The following ADAM10 variants were observed in gnomAD, a reference collection of about 807,000 sequenced individuals.
ADAM10 encodes the protein ADAM metallopeptidase domain 10, also known as disintegrin and metalloproteinase domain-containing protein 10.
Under a neutral mutation model 90.1 loss-of-function variants are expected in ADAM10, and 17 were observed. That is an observed-to-expected ratio of 0.19 (90% CI 0.13 to 0.28). The LOEUF is 0.28. Ranked by LOEUF, ADAM10 falls within the 10% of genes least tolerant of loss-of-function variation. The pLI is 1.00. For missense variants in ADAM10, 610 were observed against 914.3 expected, an observed-to-expected ratio of 0.67 and a Z score of 4.29; for synonymous variants, 310 against 298.6, an observed-to-expected ratio of 1.04 and a Z score of -0.40.
intron 1 of ADAM10, chr15:58,747,743 T>A (rs1156579776): frequency 1.1e-4 from 17 of 152,218 alleles, no homozygotes; most frequent in African/African-American, 2.9e-4. Context: ...TCTGGAAATA[T>A]GAATTTAGAA....
chr15:58,695,360 TG>T (rs1352285824), intron 2 of ADAM10, among the ~76,000 whole-genome samples: 1 of 152,226 alleles, frequency 6.6e-6, no homozygotes, highest in Non-Finnish European at 1.5e-5. Flanking sequence ...CTGCCTATCA[TG>T]TATTTTCATA....
At chr15:58,692,367 T>C (rs749837769) in intron 2 of ADAM10, 2 of 599,748 alleles carry the variant, frequency 3.3e-6, no homozygotes, top group Non-Finnish European at 6.6e-6. Flanking sequence ...GGTTTAGTTC[T>C]TCCCGATCAG....
intron 14 of ADAM10, among the ~76,000 whole-genome samples, chr15:58,605,334 G>A (rs1173375308): frequency 6.6e-6 from 1 of 152,140 alleles, no homozygotes; most frequent in African/African-American, 2.4e-5. Context: ...TAGCTTTTGT[G>A]AATTTAGCGT....
Position 58,749,571 on chromosome 15 carries a change from G to T in ADAM10, c.-37C>A, listed in dbSNP as rs1333582393. The stretch of plus-strand genomic sequence containing the variant: ...GCTGCCGCCGCCGCCGCCTCCTCAC[G>T]GGTTAACAGCAGCACATCGATCCGG... On this transcript the variant is annotated 5_prime_UTR_variant, in exon 1 of 16. Coordinates refer to ENST00000260408, the MANE Select transcript of ADAM10 (RefSeq NM_001110.4). The T allele has an allele frequency of 4.5e-6, 7 of 1,548,758 alleles. No homozygotes were observed. The highest frequency in any genetic ancestry group is 1.7e-4 in the Middle Eastern group (1 of 5,982).
Position 58,593,148 on chromosome 15 carries a change from AATTTTTTTTTTTT to A in ADAM10, c.*4386_*4398del, listed in dbSNP as rs1894861849. On this transcript the variant is annotated 3_prime_UTR_variant, in exon 16 of 16. Transcript: ENST00000260408. ...AAAAGTAACAAAGGCCAGGTACTCA[AATTTTTTTTTTTT>A]TTTTTTTTTTTTTTTTTTTTTTTTT... 9.0e-6 allele frequency: 1 copy of A among 110,510 alleles called. No individual in the cohort carries two copies. The highest frequency in any genetic ancestry group is 1.9e-5 in the Non-Finnish European group (1 of 51,794). The allele number at this position is 110,510 out of a possible 1,614,324, so 6.8% of individuals were successfully genotyped here.
At chr15:58,711,365 G>A (rs1221690901) in intron 2 of ADAM10, among the ~76,000 whole-genome samples, 1 of 152,096 alleles carries the variant, frequency 6.6e-6, no homozygotes, top group African/African-American at 2.4e-5. Flanking sequence ...ATATTTTGTA[G>A]AATTTTAAAG....
intron 5 of ADAM10, among the ~76,000 whole-genome samples, chr15:58,661,786 T>G (rs1291283968): frequency 1.3e-5 from 2 of 152,210 alleles, no homozygotes; most frequent in Non-Finnish European, 2.9e-5. Context: ...TGTGCTTAGA[T>G]ATGGATACTG....
chr15:58,616,022 GAA>G (rs1895601950), intron 11 of ADAM10, among the ~76,000 whole-genome samples: 1 of 151,902 alleles, frequency 6.6e-6, no homozygotes, highest in African/African-American at 2.4e-5. Flanking sequence ...AAAAAACTGT[GAA>G]AAGAGACAAA....
chr15:58,700,618 T>C (rs1316582317), intron 2 of ADAM10, among the ~76,000 whole-genome samples: 2 of 151,920 alleles, frequency 1.3e-5, no homozygotes, highest in Non-Finnish European at 2.9e-5. Context: ...AATGCCTACC[T>C]CAAAAAATAT....
At chr15:58,660,419 C>CT (rs148139870) in intron 5 of ADAM10, among the ~76,000 whole-genome samples, 35 of 148,130 alleles carry the variant, frequency 2.4e-4, no homozygotes, top group Middle Eastern at 3.4e-3. Context: ...CTCATTTGGT[C>CT]TTTTTTTTTT....
At chr15:58,667,736 T>C (rs1369659665) in intron 4 of ADAM10, among the ~76,000 whole-genome samples, 4 of 151,782 alleles carry the variant, frequency 2.6e-5, no homozygotes, top group Admixed American at 6.6e-5. Context: ...GATTCACTGA[T>C]GGAGAGTAGA....
intron 5 of ADAM10, among the ~76,000 whole-genome samples, chr15:58,657,687 G>T (rs1896861468): frequency 6.6e-6 from 1 of 152,080 alleles, no homozygotes; most frequent in African/African-American, 2.4e-5. Context: ...CATTCTCCAG[G>T]ATTTGTCCCC....
At chr15:58,697,281 G>T (rs1898005979) in intron 2 of ADAM10, among the ~76,000 whole-genome samples, 1 of 152,076 alleles carries the variant, frequency 6.6e-6, no homozygotes. Flanking sequence ...GGGGCCCAAA[G>T]ACCCACTCAT....
At chr15:58,729,990 ACAAAC>A (rs1567016123) in intron 1 of ADAM10, among the ~76,000 whole-genome samples, 3 of 127,880 alleles carry the variant, frequency 2.3e-5, no homozygotes, top group Non-Finnish European at 3.3e-5. Context: ...CAAAAACAAA[ACAAAC>A]AAACAAACAA....
At chr15:58,623,349 C>T (rs979299208) in intron 10 of ADAM10, among the ~76,000 whole-genome samples, 1 of 152,188 alleles carries the variant, frequency 6.6e-6, no homozygotes, top group Admixed American at 6.5e-5. Context: ...ACCCTGATTT[C>T]AGGGCCCCCA....
chr15:58,713,489 AAGG>A (rs772273362), intron 2 of ADAM10, among the ~76,000 whole-genome samples: 1 of 152,210 alleles, frequency 6.6e-6, no homozygotes, highest in Admixed American at 6.5e-5. Context: ...TCAAGTTCAC[AAGG>A]AGTAGAGGAC....
chr15:58,701,541 T>C (rs1898135606), intron 2 of ADAM10, among the ~76,000 whole-genome samples: 1 of 152,184 alleles, frequency 6.6e-6, no homozygotes, highest in Non-Finnish European at 1.5e-5. Context: ...TTGATAGGAA[T>C]GTAAATTAGT....
At chr15:58,676,392 TA>T in intron 4 of ADAM10, 1 of 431,894 alleles carries the variant, frequency 2.3e-6, no homozygotes. Context: ...CTGTCAGGTA[TA>T]TATTAAGCCA....
At chr15:58,724,553 G>A (rs1032301167) in intron 1 of ADAM10, among the ~76,000 whole-genome samples, 5 of 152,196 alleles carry the variant, frequency 3.3e-5, no homozygotes, top group Non-Finnish European at 7.3e-5. Flanking sequence ...CCAAGAGCCT[G>A]AAGTTTCCAC....
Sources: allele counts gnomAD v4.1 joint callset (sites outside exome capture counted in the v4.1 genomes callset), GRCh38; gene constraint gnomAD v4.1.1; transcripts MANE v1.5; gene names NCBI Gene and HGNC (gene_info 2026-07-23, HGNC 2026-07-21).